MEGF9: variants seen among roughly 807,000 people sequenced by gnomAD.
The protein encoded by MEGF9 is multiple EGF like domains 9.
Under a neutral mutation model 46.8 loss-of-function variants are expected in MEGF9, and 6 were observed. That is an observed-to-expected ratio of 0.13 (90% confidence interval 0.07 to 0.25). The LOEUF (loss-of-function observed/expected upper bound fraction) is 0.25. Ranked by LOEUF, MEGF9 falls within the 10% of genes least tolerant of loss-of-function variation. The pLI is 1.00. For missense variants in MEGF9, 683 were observed against 792.4 expected (o/e 0.86, Z 1.66); for synonymous variants, 302 against 330.7 (o/e 0.91, Z 0.94).
rs200661456 is a variant in MEGF9 at position 120,613,115 on chromosome 9, G to A, written c.944-576C>T. Among the ~76,000 whole-genome samples the A allele has an allele frequency of 6.6e-5, 10 of 152,124 alleles. No individual in the cohort carries two copies. In the East Asian group the frequency reaches 1.7e-3, roughly 26 times the overall value. On this transcript the variant is annotated intron_variant, in intron 3 of 5. Transcript: ENST00000373930. ...GCCTCCCAAAGTTTTGGGATTACAG[G>A]CATGAGCCATTAGATTAGCCACCCA...
At chr9:120,691,474 C>A in intron 1 of MEGF9, 1 of 456,696 alleles carries the variant, frequency 2.2e-6, no homozygotes, top group Non-Finnish European at 4.5e-6. Context: ...CCACTGATGC[C>A]CTGAACAAGA....
rs2043965279 is a variant in MEGF9 at position 120,713,916 on chromosome 9, A to T, written c.443T>A (p.Leu148His). 2.2e-6 allele frequency: 3 copies of T among 1,340,390 alleles called. No individual in the cohort carries two copies. Among genetic ancestry groups the T allele is most frequent in the East Asian group, 2.8e-5 (1 of 35,790 alleles). The allele number at this position is 1,340,390 out of a possible 1,614,324, so 83.0% of individuals were successfully genotyped here. The part of the protein sequence containing the change: ...QAPTRPAPTT[L>H]STTTGPAPTT... ...CGGCGCCGGGCCAGTGGTCGTCGAA[A>T]GGGTGGTCGGCGCGGGTCTGGTCGG... The change falls in exon 1 of 6, where the codon CTT becomes CAT. Residue 148 changes from leucine to histidine, a missense_variant. By Grantham distance (99) the Leu-to-His change is moderately conservative. Around this residue, in one of 2 missense-constraint regions of MEGF9, gnomAD observed 370 missense variants for 371.3 expected, o/e 1.00. Transcript: ENST00000373930.
chr9:120,631,130 T>C (rs1351495818), intron 2 of MEGF9, among the ~76,000 whole-genome samples: 2 of 152,252 alleles, frequency 1.3e-5, no homozygotes, highest in African/African-American at 4.8e-5. Context: ...TTTAGTTCTT[T>C]AGTCAATTTG....
At chr9:120,686,199 C>CCAGCCT (rs2043821437) in intron 1 of MEGF9, among the ~76,000 whole-genome samples, 1 of 151,510 alleles carries the variant, frequency 6.6e-6, no homozygotes, top group African/African-American at 2.4e-5. Flanking sequence ...ATGCCATTCT[C>CCAGCCT]CAGCCTCAGC....
At chr9:120,705,524 G>A (rs970164178) in intron 1 of MEGF9, among the ~76,000 whole-genome samples, 2 of 150,858 alleles carry the variant, frequency 1.3e-5, no homozygotes, top group Non-Finnish European at 3.0e-5. Flanking sequence ...AAATGAGCAA[G>A]GAGAATGGAA....
chr9:120,658,804 C>A (rs1452852675), intron 2 of MEGF9, among the ~76,000 whole-genome samples: 1 of 152,142 alleles, frequency 6.6e-6, no homozygotes, highest in Non-Finnish European at 1.5e-5. Context: ...TAAATTACCT[C>A]CAAATAACAT....
At chr9:120,662,348 T>C (rs555305665) in intron 1 of MEGF9, among the ~76,000 whole-genome samples, 2 of 152,188 alleles carry the variant, frequency 1.3e-5, no homozygotes, top group South Asian at 2.1e-4. Flanking sequence ...TCAAACCTAT[T>C]CTCTATTTTA....
rs141736518 is a variant in MEGF9, at chr9:120,604,403, AT to A, written c.*786del. ...ATTCCAGATGATAAAATATGACATG[AT>A]TTTTTTTTTACAAATAGATACAAAT... On this transcript the variant is annotated 3_prime_UTR_variant, in exon 6 of 6. Coordinates refer to ENST00000373930, the MANE Select transcript of MEGF9 (RefSeq NM_001080497.3). The A allele has an allele frequency of 0.013, 1,962 of 151,024 alleles. 34 individuals carry two copies. The highest frequency in any genetic ancestry group is 0.045 in the African/African-American group (1,848 of 41,124). The allele number at this position is 151,024 out of a possible 1,614,324, so 9.4% of individuals were successfully genotyped here. A position where few individuals can be genotyped will look rare whatever the true frequency, so the allele number is the denominator to read the frequency against.
intron 2 of MEGF9, among the ~76,000 whole-genome samples, chr9:120,654,135 C>T (rs2043665907): frequency 6.6e-6 from 1 of 152,128 alleles, no homozygotes; most frequent in African/African-American, 2.4e-5. Context: ...CAGAAAACAA[C>T]CATTACCTGC....
intron 2 of MEGF9, among the ~76,000 whole-genome samples, chr9:120,632,005 G>A (rs1166976158): frequency 6.6e-6 from 1 of 151,802 alleles, no homozygotes; most frequent in East Asian, 1.9e-4. Flanking sequence ...TCAGCTCACT[G>A]CAACCTCCAC....
At chr9:120,648,669 A>T (rs1307476113) in intron 2 of MEGF9, among the ~76,000 whole-genome samples, 1 of 152,198 alleles carries the variant, frequency 6.6e-6, no homozygotes, top group African/African-American at 2.4e-5. Context: ...ATGAAATGAC[A>T]AAGTTTTTCT....
intron 2 of MEGF9, among the ~76,000 whole-genome samples, chr9:120,650,951 C>G (rs2043646919): frequency 6.6e-6 from 1 of 152,084 alleles, no homozygotes; most frequent in African/African-American, 2.4e-5. Context: ...TTTTTCTACT[C>G]TGAACTACTA....
At chr9:120,615,461 C>A (rs2043468206) in intron 3 of MEGF9, among the ~76,000 whole-genome samples, 2 of 151,562 alleles carry the variant, frequency 1.3e-5, no homozygotes. Flanking sequence ...CCATTTATAC[C>A]AGAATATTTT....
intron 4 of MEGF9, among the ~76,000 whole-genome samples, chr9:120,610,068 A>G (rs1391755771): frequency 2.0e-5 from 3 of 152,290 alleles, no homozygotes; most frequent in Admixed American, 1.3e-4. Flanking sequence ...GTAAGTTACT[A>G]AACTCTGGGC....
At chr9:120,622,476 C>G in intron 3 of MEGF9, 140 bp downstream of exon 3, 1 of 355,174 alleles carries the variant, frequency 2.8e-6, no homozygotes. Flanking sequence ...AGGAGTTTGG[C>G]TTGCTGTGAT....
intron 1 of MEGF9, among the ~76,000 whole-genome samples, chr9:120,687,634 A>G (rs1296005286): frequency 6.6e-6 from 1 of 151,516 alleles, no homozygotes; most frequent in Admixed American, 6.6e-5. Flanking sequence ...GCATGGTAAG[A>G]GTTCATTATA....
Position 120,603,774 on chromosome 9 carries a change from T to G in MEGF9, c.*1416A>C, listed in dbSNP as rs1284156953. 1 of 152,542 alleles carries G rather than the reference T, an allele frequency of 6.6e-6. No individual in the cohort carries two copies. Among genetic ancestry groups the G allele is most frequent in the Non-Finnish European group, 1.5e-5 (1 of 68,042 alleles). The allele number at this position is 152,542 out of a possible 1,614,324, so 9.4% of individuals were successfully genotyped here. Reference sequence around the variant, plus strand: ...AACTAGACACACCCATCTACAAAGCTGCTCATTAACCAGACAGGAAGACAA... The same window carrying G: ...AACTAGACACACCCATCTACAAAGCGGCTCATTAACCAGACAGGAAGACAA... On this transcript the variant is annotated 3_prime_UTR_variant, in exon 6 of 6. Coordinates refer to ENST00000373930, the MANE Select transcript of MEGF9 (RefSeq NM_001080497.3).
intron 2 of MEGF9, among the ~76,000 whole-genome samples, chr9:120,639,662 TTTG>T (rs1332958345): frequency 6.6e-6 from 1 of 152,164 alleles, no homozygotes; most frequent in Non-Finnish European, 1.5e-5. Context: ...ATCTCACAGG[TTTG>T]TTAAGATTAA....
chr9:120,639,409 G>A (rs2043592432), intron 2 of MEGF9, among the ~76,000 whole-genome samples: 1 of 151,178 alleles, frequency 6.6e-6, no homozygotes, highest in Non-Finnish European at 1.5e-5. Flanking sequence ...TCGGGAGGCT[G>A]AGGTAGGAGA....
Sources: allele counts gnomAD v4.1 joint callset (sites outside exome capture counted in the v4.1 genomes callset), GRCh38; gene constraint gnomAD v4.1.1; regional missense constraint gnomAD v4.1.1; transcripts MANE v1.5; gene names NCBI Gene and HGNC (gene_info 2026-07-23, HGNC 2026-07-21).